The following SEMA3A variants were observed in gnomAD, a reference collection of about 807,000 sequenced individuals.
The protein encoded by SEMA3A is semaphorin-3A.
A neutral mutation model predicts 97.9 loss-of-function variants in SEMA3A; 29 were observed. The observed-to-expected ratio is 0.30, with a 90% CI of 0.22 to 0.40. The LOEUF (loss-of-function observed/expected upper bound fraction) is 0.40, where lower values mean the gene tolerates loss of function less well. Ranked by LOEUF, SEMA3A falls within the 10% of genes least tolerant of loss-of-function variation. The probability of loss-of-function intolerance (pLI) is 1.00; values close to 1 mark genes in which losing one functional copy is unlikely to be tolerated. For missense variants in SEMA3A, 763 were observed against 951.3 expected (o/e 0.80, Z 2.60); for synonymous variants, 321 against 323.7 (o/e 0.99, Z 0.09).
At chr7:84,315,215 C>T (rs560973623) in intron 2 of SEMA3A, among the ~76,000 whole-genome samples, 7 of 151,976 alleles carry the variant, frequency 4.6e-5, no homozygotes, top group Non-Finnish European at 1.0e-4. Context: ...AGGTATGATA[C>T]GAAATAGCAG....
intron 1 of SEMA3A, among the ~76,000 whole-genome samples, chr7:84,425,381 T>C (rs1239836098): frequency 7.6e-6 from 1 of 131,518 alleles, no homozygotes; most frequent in African/African-American, 2.8e-5. Flanking sequence ...TATATAAATA[T>C]ATGCATATAA....
chr7:84,291,603 T>C (rs978395037), intron 3 of SEMA3A, among the ~76,000 whole-genome samples: 2 of 152,262 alleles, frequency 1.3e-5, no homozygotes, highest in East Asian at 1.9e-4. Context: ...TGTGTTACCA[T>C]GTTCTTTCAA....
intron 1 of SEMA3A, among the ~76,000 whole-genome samples, chr7:84,461,920 T>C (rs907933720): frequency 3.3e-5 from 5 of 152,150 alleles, no homozygotes; most frequent in Non-Finnish European, 5.9e-5. Flanking sequence ...AGTGTTTCAG[T>C]AGTAGGATTT....
intron 1 of SEMA3A, among the ~76,000 whole-genome samples, chr7:84,451,401 C>A (rs1043262647): frequency 6.6e-6 from 1 of 152,130 alleles, no homozygotes; most frequent in Non-Finnish European, 1.5e-5. Context: ...CATTCTGGAA[C>A]AAATTTTGCC....
At chr7:84,311,815 C>T (rs76228957) in intron 2 of SEMA3A, among the ~76,000 whole-genome samples, 1,656 of 151,980 alleles carry the variant, frequency 0.011, 31 homozygotes, top group African/African-American at 0.038. Flanking sequence ...TCTCCCTTTG[C>T]AAGTATCTCC....
intron 3 of SEMA3A, among the ~76,000 whole-genome samples, chr7:84,211,456 C>CA (rs71522696): frequency 0.09 from 11,248 of 125,672 alleles, 493 homozygotes; most frequent in East Asian, 0.13. Context: ...ACTAAAAATA[C>CA]AAAAAAAAAA....
intron 4 of SEMA3A, among the ~76,000 whole-genome samples, chr7:84,089,722 T>C (rs1169349415): frequency 6.6e-6 from 1 of 152,054 alleles, no homozygotes; most frequent in Non-Finnish European, 1.5e-5. Flanking sequence ...TAAAGGATTT[T>C]TATTTATATA....
At chr7:84,042,404 T>C (rs1459306670) in intron 6 of SEMA3A, among the ~76,000 whole-genome samples, 2 of 152,044 alleles carry the variant, frequency 1.3e-5, no homozygotes, top group Non-Finnish European at 1.5e-5. Context: ...TCTGTTTGTG[T>C]TCCCCAGGCC....
intron 3 of SEMA3A, among the ~76,000 whole-genome samples, chr7:84,246,827 AGTC>A (rs1799486712): frequency 6.6e-6 from 1 of 152,130 alleles, no homozygotes; most frequent in Non-Finnish European, 1.5e-5. Context: ...GTCTTAAGGG[AGTC>A]ATCAGAATGA....
chr7:84,031,771 G>T (rs1169393533), intron 6 of SEMA3A, among the ~76,000 whole-genome samples: 1 of 152,066 alleles, frequency 6.6e-6, no homozygotes, highest in Non-Finnish European at 1.5e-5. Flanking sequence ...AGGAGGCGGA[G>T]GTTGTGGTGA....
chr7:84,112,075 C>G (rs2115947006), intron 3 of SEMA3A, among the ~76,000 whole-genome samples: 1 of 152,234 alleles, frequency 6.6e-6, no homozygotes, highest in Admixed American at 6.5e-5. Flanking sequence ...CATTTACAAA[C>G]CAGGCATTCA....
intron 3 of SEMA3A, among the ~76,000 whole-genome samples, chr7:84,294,334 C>T (rs1477146755): frequency 1.3e-5 from 2 of 152,012 alleles, no homozygotes; most frequent in Non-Finnish European, 2.9e-5. Context: ...GGAAAACTAT[C>T]TCATTACCGC....
At position 84,023,286 on chromosome 7, in the gene SEMA3A, T is replaced by G. The variant is rs531216573; in HGVS notation, c.668-8935A>C. On this transcript the variant is annotated intron_variant, in intron 6 of 16. Coordinates refer to ENST00000265362, the MANE Select transcript of SEMA3A (RefSeq NM_006080.3). Reference sequence around the variant, plus strand: ...CTCTCAGCATTAGAATCAGACTGAATGTCTAGTACAGCAACATTTTGACCA... The same window carrying G: ...CTCTCAGCATTAGAATCAGACTGAAGGTCTAGTACAGCAACATTTTGACCA... 2.0e-5 allele frequency among the ~76,000 whole-genome samples: 3 copies of G among 152,318 alleles called. No homozygotes were observed. In the South Asian group the frequency reaches 6.2e-4, roughly 32 times the overall value.
chr7:84,144,015 T>A (rs1796393757), intron 1 of SEMA3A, among the ~76,000 whole-genome samples: 1 of 149,782 alleles, frequency 6.7e-6, no homozygotes, highest in Admixed American at 6.7e-5. Flanking sequence ...GTATGCATTA[T>A]CCTTCTTCTA....
In SEMA3A at chr7:84,370,548, G is replaced by A. The variant is rs912071646; in HGVS notation, c.-169+1276C>T. Among the ~76,000 whole-genome samples, 4 of 151,660 alleles carry A rather than the reference G, an allele frequency of 2.6e-5. No individual in the cohort carries two copies. In the Admixed American group the frequency reaches 2.6e-4, roughly 10 times the overall value. ...AAAAGAAAAGGTTAGAAACATCTTG[G>A]TTGCTCTGTTGAATTCCCACTTTAA... On this transcript the variant is annotated intron_variant, in intron 2 of 3. Transcript: ENST00000424555.
intron 3 of SEMA3A, among the ~76,000 whole-genome samples, chr7:84,292,330 T>C (rs994238767): frequency 2.6e-5 from 4 of 152,098 alleles, no homozygotes; most frequent in Middle Eastern, 6.8e-3. Flanking sequence ...TGGCACATGG[T>C]TTTATTAAGA....
intron 1 of SEMA3A, among the ~76,000 whole-genome samples, chr7:84,466,955 CATAA>C (rs137955962): frequency 6.6e-6 from 1 of 152,174 alleles, no homozygotes; most frequent in Non-Finnish European, 1.5e-5. Flanking sequence ...TCTCTCAGCC[CATAA>C]ATAGTTTCAA....
intron 1 of SEMA3A, among the ~76,000 whole-genome samples, chr7:84,379,664 G>C (rs1308081011): frequency 1.3e-5 from 2 of 151,408 alleles, no homozygotes; most frequent in African/African-American, 4.9e-5. Flanking sequence ...TAACTAGAAT[G>C]AAATGACAAG....
At chr7:84,449,747 C>A (rs1317740705) in intron 1 of SEMA3A, among the ~76,000 whole-genome samples, 1 of 152,092 alleles carries the variant, frequency 6.6e-6, no homozygotes, top group Admixed American at 6.5e-5. Context: ...TTCCCCCTCA[C>A]CATGTCCTCT....
Sources: gnomAD v4.1 joint callset for allele counts (sites outside exome capture counted in the v4.1 genomes callset) on GRCh38, gnomAD v4.1.1 for gene constraint, MANE v1.5 for transcripts, NCBI Gene and HGNC (gene_info 2026-07-23, HGNC 2026-07-21) for gene names.